TLE1: variants seen among roughly 807,000 people sequenced by gnomAD.
The protein encoded by TLE1 is TLE family member 1, transcriptional corepressor.
Under a neutral mutation model 89.8 loss-of-function variants are expected in TLE1, and 21 were observed. The observed-to-expected ratio is 0.23, with a 90% CI of 0.17 to 0.34. TLE1 has a LOEUF of 0.34. TLE1 is among the 10% of genes least tolerant of loss of function. The probability of loss-of-function intolerance (pLI) is 1.00; values close to 1 mark genes in which losing one functional copy is unlikely to be tolerated. For missense variants in TLE1, 795 were observed against 1,031.2 expected (o/e 0.77, Z 3.14); for synonymous variants, 447 against 407.6 (o/e 1.10, Z -1.16).
intron 4 of TLE1, among the ~76,000 whole-genome samples, chr9:81,678,079 C>T (rs1296177637): frequency 1.3e-5 from 2 of 152,176 alleles, no homozygotes; most frequent in African/African-American, 4.8e-5. Flanking sequence ...GCAAATACTA[C>T]TATAAGAAAA....
At chr9:81,603,534 T>G (rs932726598) in intron 14 of TLE1, among the ~76,000 whole-genome samples, 1 of 152,180 alleles carries the variant, frequency 6.6e-6, no homozygotes, top group African/African-American at 2.4e-5. Flanking sequence ...CACCAGAGTC[T>G]GGGAATCAAC....
intron 8 of TLE1, among the ~76,000 whole-genome samples, chr9:81,626,510 TAAC>T (rs2132259277): frequency 6.6e-6 from 1 of 152,322 alleles, no homozygotes; most frequent in Admixed American, 6.5e-5. Context: ...CCCCACTTGT[TAAC>T]AACATGGACA....
intron 4 of TLE1, among the ~76,000 whole-genome samples, chr9:81,676,333 AC>A (rs1271368078): frequency 6.6e-6 from 1 of 152,186 alleles, no homozygotes; most frequent in Admixed American, 6.5e-5. Flanking sequence ...GGAAAGAAGC[AC>A]ATGAAAAACC....
At chr9:81,667,714 T>TG (rs1179848667) in intron 4 of TLE1, among the ~76,000 whole-genome samples, 4 of 144,160 alleles carry the variant, frequency 2.8e-5, no homozygotes, top group Non-Finnish European at 4.4e-5. Flanking sequence ...GCTGTATTCC[T>TG]GCTCCCCCCC....
chr9:81,658,613 C>T (rs1008349014), intron 4 of TLE1, among the ~76,000 whole-genome samples: 2 of 152,112 alleles, frequency 1.3e-5, no homozygotes, highest in African/African-American at 4.8e-5. Flanking sequence ...CCAGAAAAGG[C>T]GCTGACGTCC....
At chr9:81,591,741 T>C (rs956907372) in intron 15 of TLE1, among the ~76,000 whole-genome samples, 2 of 152,196 alleles carry the variant, frequency 1.3e-5, no homozygotes, top group African/African-American at 4.8e-5. Context: ...CAACAAAGGA[T>C]ACTCCTACTG....
At chr9:81,666,643 T>C (rs956113721) in intron 4 of TLE1, among the ~76,000 whole-genome samples, 4 of 151,706 alleles carry the variant, frequency 2.6e-5, no homozygotes, top group African/African-American at 9.7e-5. Context: ...GGCGTGGTGG[T>C]GCACGCCTGT....
At chr9:81,640,106 C>T (rs1827922083) in intron 6 of TLE1, among the ~76,000 whole-genome samples, 2 of 152,052 alleles carry the variant, frequency 1.3e-5, no homozygotes, top group South Asian at 4.2e-4. Flanking sequence ...TGTGAACATC[C>T]TACAATGCAC....
intron 9 of TLE1, among the ~76,000 whole-genome samples, chr9:81,619,686 G>A (rs1000941846): frequency 2.0e-5 from 3 of 152,158 alleles, no homozygotes; most frequent in African/African-American, 7.2e-5. Flanking sequence ...GACACTCAGG[G>A]ACACACAGGC....
intron 6 of TLE1, among the ~76,000 whole-genome samples, chr9:81,651,527 A>T (rs1299809850): frequency 1.3e-5 from 2 of 152,202 alleles, no homozygotes; most frequent in Non-Finnish European, 2.9e-5. Flanking sequence ...CAATTCTTCC[A>T]TGGCAAGAGA....
At chr9:81,635,649 CAATT>C (rs1827271104) in intron 6 of TLE1, among the ~76,000 whole-genome samples, 1 of 152,138 alleles carries the variant, frequency 6.6e-6, no homozygotes, top group Admixed American at 6.6e-5. Flanking sequence ...CCTTGGGACT[CAATT>C]ACTCATTTTA....
At chr9:81,628,274 A>G (rs1826144788) in intron 8 of TLE1, among the ~76,000 whole-genome samples, 2 of 152,036 alleles carry the variant, frequency 1.3e-5, no homozygotes, top group South Asian at 2.1e-4. Context: ...TACTATCACC[A>G]TTTATAGATG....
intron 14 of TLE1, chr9:81,600,252 T>C (rs935067539): frequency 5.2e-6 from 3 of 577,372 alleles, no homozygotes; most frequent in East Asian, 5.5e-5. Flanking sequence ...AAAACGAGCA[T>C]TATCCAAGCA....
At chr9:81,633,303 G>GTGTT (rs767590678) in intron 8 of TLE1, 45 bp downstream of exon 8, 26 of 1,419,892 alleles carry the variant, frequency 1.8e-5, no homozygotes, top group Non-Finnish European at 2.4e-5. Flanking sequence ...GTGTGTGTGT[G>GTGTT]TGTGTGTGTG....
intron 10 of TLE1, 47 bp downstream of exon 10, chr9:81,616,599 T>C: frequency 6.2e-7 from 1 of 1,602,312 alleles, no homozygotes; most frequent in Non-Finnish European, 8.5e-7. Flanking sequence ...TTTCATAACA[T>C]TATTCAAATC....
chr9:81,605,011 G>A (rs1454572908), intron 14 of TLE1, among the ~76,000 whole-genome samples: 2 of 152,090 alleles, frequency 1.3e-5, no homozygotes, highest in Non-Finnish European at 2.9e-5. Flanking sequence ...AGCCCCCAAG[G>A]GCAGAGAAGG....
intron 8 of TLE1, among the ~76,000 whole-genome samples, chr9:81,622,899 C>T (rs552426074): frequency 5.9e-4 from 90 of 152,250 alleles, no homozygotes; most frequent in African/African-American, 1.9e-3. Flanking sequence ...ACGCAGCTGC[C>T]GGACGCCCGG....
At chr9:81,637,295 C>T (rs747265334) in intron 6 of TLE1, among the ~76,000 whole-genome samples, 6 of 151,834 alleles carry the variant, frequency 4.0e-5, no homozygotes, top group Non-Finnish European at 5.9e-5. Flanking sequence ...AAAGCAGAGG[C>T]TGTAGTGAGC....
At chr9:81,613,935 TCTCA>T (rs1824060558) in intron 11 of TLE1, among the ~76,000 whole-genome samples, 1 of 126,602 alleles carries the variant, frequency 7.9e-6, no homozygotes, top group African/African-American at 3.2e-5. Flanking sequence ...TGAGATGGAG[TCTCA>T]CTCTGTCACC....
Sources: allele counts gnomAD v4.1 joint callset (sites outside exome capture counted in the v4.1 genomes callset), GRCh38; gene constraint gnomAD v4.1.1; transcripts MANE v1.5; gene names NCBI Gene and HGNC (gene_info 2026-07-23, HGNC 2026-07-21).